The following LY86 variants were observed in gnomAD, a reference collection of about 807,000 sequenced individuals.
LY86 encodes the protein MD-1, RP105-associated.
LY86 carries 20 observed loss-of-function variants against 17.3 expected under a neutral mutation model. The observed-to-expected ratio is 1.15, with a 90% CI of 0.81 to 1.68. LY86 has a LOEUF of 1.68. LY86 is among the 40% of genes most tolerant of loss of function. The pLI is 0.00. For missense variants in LY86, 200 were observed against 191.9 expected (o/e 1.04, Z -0.25); for synonymous variants, 74 against 70.6 (o/e 1.05, Z -0.24).
At chr6:6,612,780 G>GT (rs1354056248) in intron 1 of LY86, among the ~76,000 whole-genome samples, 1 of 152,228 alleles carries the variant, frequency 6.6e-6, no homozygotes, top group Non-Finnish European at 1.5e-5. Context: ...GTTGATTGGT[G>GT]TATTTACAAA....
intron 1 of LY86, among the ~76,000 whole-genome samples, chr6:6,605,824 G>A (rs886760756): frequency 2.0e-5 from 3 of 150,870 alleles, no homozygotes; most frequent in African/African-American, 4.9e-5. Flanking sequence ...CTCGCTGGCT[G>A]ACTTTCCCGG....
intron 1 of LY86, among the ~76,000 whole-genome samples, chr6:6,592,681 T>A (rs1203368303): frequency 6.6e-6 from 1 of 152,132 alleles, no homozygotes; most frequent in African/African-American, 2.4e-5. Context: ...GATTAATATC[T>A]TAAAAGAAGA....
chr6:6,595,781 C>T (rs1010379413), intron 1 of LY86, among the ~76,000 whole-genome samples: 3 of 152,198 alleles, frequency 2.0e-5, no homozygotes, highest in African/African-American at 7.2e-5. Context: ...CCCTCCTGCA[C>T]AGGAGGCATG....
chr6:6,637,920 A>G (rs1352958633), intron 3 of LY86, among the ~76,000 whole-genome samples: 1 of 152,234 alleles, frequency 6.6e-6, no homozygotes, highest in African/African-American at 2.4e-5. Flanking sequence ...TTTGTCCACA[A>G]AATTTAGGAA....
At chr6:6,608,716 C>G (rs1310260239) in intron 1 of LY86, among the ~76,000 whole-genome samples, 1 of 152,226 alleles carries the variant, frequency 6.6e-6, no homozygotes, top group Non-Finnish European at 1.5e-5. Context: ...CAAACGGTTA[C>G]AGCAATGGTG....
intron 1 of LY86, among the ~76,000 whole-genome samples, chr6:6,596,378 A>G (rs529523916): frequency 5.6e-4 from 84 of 150,108 alleles, no homozygotes; most frequent in African/African-American, 2.0e-3. Context: ...ATGGAGCATA[A>G]AACAAGCATG....
chr6:6,608,145 A>G (rs1167515478), intron 1 of LY86, among the ~76,000 whole-genome samples: 1 of 152,248 alleles, frequency 6.6e-6, no homozygotes, highest in Non-Finnish European at 1.5e-5. Context: ...TGTATTCAGC[A>G]TTGTACTGAA....
At chr6:6,638,447 A>T (rs189546596) in intron 3 of LY86, among the ~76,000 whole-genome samples, 41 of 152,342 alleles carry the variant, frequency 2.7e-4, no homozygotes, top group Non-Finnish European at 7.3e-5. Context: ...CCAATATGAC[A>T]GCCACAAGTC....
chr6:6,621,108 G>T (rs1457427216), intron 1 of LY86: 1 of 152,234 alleles, frequency 6.6e-6, no homozygotes, highest in Non-Finnish European at 1.5e-5. Context: ...GCCACATAGA[G>T]GCCAAGGAAG....
At chr6:6,611,662 C>T (rs1312828391) in intron 1 of LY86, among the ~76,000 whole-genome samples, 2 of 152,206 alleles carry the variant, frequency 1.3e-5, no homozygotes, top group African/African-American at 2.4e-5. Flanking sequence ...GTTCTCTCAC[C>T]GCACCTTGTG....
intron 1 of LY86, among the ~76,000 whole-genome samples, chr6:6,613,560 C>G (rs1037813076): frequency 5.3e-5 from 8 of 152,140 alleles, no homozygotes; most frequent in Non-Finnish European, 2.9e-5. Flanking sequence ...CCGCCGATCC[C>G]ACGCCCACCG....
rs541783440 is a variant in LY86 at position 6,650,065 on chromosome 6, G to A, written c.405+388G>A. On this transcript the variant is annotated intron_variant, in intron 4 of 4. Coordinates refer to ENST00000230568, the MANE Select transcript of LY86 (RefSeq NM_004271.4). ...GCGGCACCATGCATGTGCTGGGACC[G>A]AGCTCAGGAGGCTGGCGGTTCAGAG... Among the ~76,000 whole-genome samples the A allele has an allele frequency of 2.4e-4, 37 of 152,240 alleles. 2 individuals carry two copies. In the South Asian group the frequency reaches 7.5e-3, roughly 31 times the overall value.
rs1177161722 is a variant in LY86, at chr6:6,654,891, C to G, written c.*264C>G. ...AGTCTTGAGGGTCCATCCTTTTTCT[C>G]TAATTGGTCGCCTCCCACCAGACTC... On this transcript the variant is annotated 3_prime_UTR_variant, in exon 5 of 5. Coordinates refer to ENST00000230568, the MANE Select transcript of LY86 (RefSeq NM_004271.4). 4.8e-6 allele frequency: 2 copies of G among 417,600 alleles called. No individual in the cohort carries two copies. Among genetic ancestry groups the G allele is most frequent in the African/African-American group, 2.0e-5 (1 of 49,318 alleles). The allele number at this position is 417,600 out of a possible 1,614,324, so 25.9% of individuals were successfully genotyped here. A position where few individuals can be genotyped will look rare whatever the true frequency, so the allele number is the denominator to read the frequency against.
chr6:6,598,452 C>G (rs954499101), intron 1 of LY86, among the ~76,000 whole-genome samples: 20 of 152,124 alleles, frequency 1.3e-4, no homozygotes, highest in Non-Finnish European at 2.4e-4. Context: ...TAATACATTC[C>G]AGACCAAAGA....
At chr6:6,651,428 C>G (rs1435641889) in intron 4 of LY86, among the ~76,000 whole-genome samples, 1 of 152,166 alleles carries the variant, frequency 6.6e-6, no homozygotes, top group Non-Finnish European at 1.5e-5. Flanking sequence ...AAGTCTCCAG[C>G]CCTCTCCCTC....
At chr6:6,643,010 C>T (rs1399194383) in intron 3 of LY86, among the ~76,000 whole-genome samples, 5 of 152,220 alleles carry the variant, frequency 3.3e-5, no homozygotes. Context: ...CTCTTGGCCT[C>T]ACCTGGAGGG....
intron 1 of LY86, among the ~76,000 whole-genome samples, chr6:6,597,883 A>G (rs555340458): frequency 1.1e-4 from 17 of 152,380 alleles, no homozygotes; most frequent in Non-Finnish European, 1.8e-4. Flanking sequence ...ATGGCGTCCA[A>G]AGGCTCTCTT....
At chr6:6,607,284 G>A (rs13218211) in intron 1 of LY86, among the ~76,000 whole-genome samples, 16,721 of 152,246 alleles carry the variant, frequency 0.11, 1,013 homozygotes, top group South Asian at 0.16. Flanking sequence ...CTGTACTCTT[G>A]AAAATGGTTA....
Position 6,636,749 on chromosome 6 carries a change from A to G in LY86, c.352+10328A>G, listed in dbSNP as rs945021464. 2.6e-5 allele frequency among the ~76,000 whole-genome samples: 4 copies of G among 151,972 alleles called. No individual in the cohort carries two copies. In the South Asian group the frequency reaches 6.2e-4, roughly 24 times the overall value. ...TCCCCTTCATTCCTTTCTTCCTTTC[A>G]TGTATTATTCCTTGTCTCCAGACTT... is the stretch of plus-strand genomic sequence containing the variant. On this transcript the variant is annotated intron_variant, in intron 3 of 4. Transcript: ENST00000230568.
Sources: gnomAD v4.1 joint callset for allele counts (sites outside exome capture counted in the v4.1 genomes callset) on GRCh38, gnomAD v4.1.1 for gene constraint, MANE v1.5 for transcripts, NCBI Gene and HGNC (gene_info 2026-07-23, HGNC 2026-07-21) for gene names.